ITPA: variants seen among roughly 807,000 people sequenced by gnomAD.
ITPA encodes inosine triphosphatase.
In ITPA, 29 loss-of-function variants were observed where a neutral mutation model predicts 29.6. The ratio of observed to expected loss-of-function variants is 0.98; its 90% CI spans 0.73 to 1.34. ITPA has a LOEUF of 1.34. ITPA is among the 40% of genes most tolerant of loss of function. ITPA has a pLI of 0.00. For synonymous variants in ITPA, 103 were observed against 99.3 expected (o/e 1.04, Z -0.22); for missense variants, 241 against 251.5 (o/e 0.96, Z 0.28).
At chr20:3,208,469 G>A (rs758997464), upstream of ITPA, among the ~76,000 whole-genome samples, 14 of 152,094 alleles carry the variant, frequency 9.2e-5, no homozygotes, top group Non-Finnish European at 1.6e-4. Context: ...CCCACCTCCC[G>A]AATTCAGGCG....
chr20:3,221,837 GC>G lies in ITPA; in HGVS notation c.412-3del. 1 of 1,614,010 alleles carries G rather than the reference GC, an allele frequency of 6.2e-7. No individual in the cohort carries two copies. Reference sequence around the variant, plus strand: ...ACACACCTGTCCCCCCTTTCCTGTGGCAGGGCCGGATCGTGGCACCCAGAGG... The same window carrying G: ...ACACACCTGTCCCCCCTTTCCTGTGGAGGGCCGGATCGTGGCACCCAGAGG... On this transcript the variant is annotated splice_polypyrimidine_tract_variant and splice_region_variant and intron_variant, in intron 6 of 7. Transcript: ENST00000380113.
downstream of ITPA, among the ~76,000 whole-genome samples, chr20:3,224,367 G>T (rs1167935245): frequency 1.3e-5 from 2 of 152,150 alleles, no homozygotes; most frequent in Non-Finnish European, 2.9e-5. Context: ...ACCTCTCCAG[G>T]TGGCTCCGTT....
At chr20:3,211,140 T>G (rs2067162821) in intron 1 of ITPA, among the ~76,000 whole-genome samples, 1 of 149,582 alleles carries the variant, frequency 6.7e-6, no homozygotes, top group Non-Finnish European at 1.5e-5. Context: ...AACATGGACT[T>G]GAACACTTGG....
chr20:3,205,447 G>T (rs940129910), upstream of ITPA, among the ~76,000 whole-genome samples: 1 of 152,112 alleles, frequency 6.6e-6, no homozygotes, highest in African/African-American at 2.4e-5. Flanking sequence ...ACAGAGGCTC[G>T]TCTGTTAACC....
intron 5 of ITPA, among the ~76,000 whole-genome samples, chr20:3,217,918 T>TG: frequency 8.0e-6 from 1 of 125,168 alleles, no homozygotes; most frequent in Non-Finnish European, 1.8e-5. Flanking sequence ...TTTTTTTTGT[T>TG]TTTGTTTTTT....
chr20:3,219,959 C>T (rs2067417634), intron 6 of ITPA, among the ~76,000 whole-genome samples: 1 of 149,702 alleles, frequency 6.7e-6, no homozygotes, highest in Admixed American at 6.7e-5. Context: ...GGAGGATCAC[C>T]TGAGCCTCGG....
rs183325660 is a variant in ITPA, at chr20:3,223,444, T to C, written c.567T>C (p.Phe189=). 7.3e-5 allele frequency: 117 copies of C among 1,612,850 alleles called. 1 individual carries two copies. The East Asian group carries it at 2.5e-3, about 35-fold the overall frequency. The change falls in exon 8 of 8, where the codon TTT becomes TTC. Residue 189 remains phenylalanine (F), a synonymous_variant. Coordinates refer to ENST00000380113, the MANE Select transcript of ITPA (RefSeq NM_033453.4). ...FRALLELQEY[F]GSLAA Reference sequence around the variant, plus strand: ...CCCTGCTGGAGCTGCAGGAGTACTTTGGCAGTTTGGCAGCTTGACTTCTGC... The same window carrying C: ...CCCTGCTGGAGCTGCAGGAGTACTTCGGCAGTTTGGCAGCTTGACTTCTGC...
chr20:3,215,416 C>A, intron 5 of ITPA, 104 bp downstream of exon 5: 1 of 1,031,102 alleles, frequency 9.7e-7, no homozygotes, highest in African/African-American at 1.6e-5. Flanking sequence ...AGGTTCTAGC[C>A]CCCACCATGG....
intron 5 of ITPA, 130 bp from the exon 6 acceptor site, chr20:3,218,387 C>T (rs902249231): frequency 1.2e-5 from 9 of 731,334 alleles, no homozygotes; most frequent in Non-Finnish European, 2.0e-5. Flanking sequence ...CTGCCGCCCC[C>T]GCTACCCCAA....
chr20:3,204,936 C>T (rs2067060470), upstream of ITPA, among the ~76,000 whole-genome samples: 1 of 151,996 alleles, frequency 6.6e-6, no homozygotes, highest in South Asian at 2.1e-4. Context: ...CTGCAACCTC[C>T]ACCTCCCAGG....
intron 5 of ITPA, among the ~76,000 whole-genome samples, chr20:3,218,056 T>C (rs574346203): frequency 6.6e-6 from 1 of 152,270 alleles, no homozygotes; most frequent in East Asian, 1.9e-4. Context: ...CAGCTGGAGC[T>C]ACAGGCATCA....
chr20:3,223,475 G>T lies in ITPA; in HGVS notation c.*13G>T. The T allele has an allele frequency of 6.2e-7, 1 of 1,602,286 alleles. No individual in the cohort carries two copies. Among genetic ancestry groups the T allele is most frequent in the East Asian group, 2.2e-5 (1 of 44,670 alleles). ...TTTGGCAGCTTGACTTCTGCAGCTGGAGGAGGCCCCTCAGGCCGGGGATCT... is the reference window on the plus strand; with the variant it reads ...TTTGGCAGCTTGACTTCTGCAGCTGTAGGAGGCCCCTCAGGCCGGGGATCT... On this transcript the variant is annotated 3_prime_UTR_variant, in exon 8 of 8. Transcript: ENST00000380113.
intron 3 of ITPA, 116 bp downstream of exon 3, chr20:3,213,499 C>G: frequency 8.0e-7 from 1 of 1,254,632 alleles, no homozygotes; most frequent in Non-Finnish European, 1.1e-6. Flanking sequence ...AGGACCGGCC[C>G]AGAGTCCTCT....
intron 6 of ITPA, chr20:3,218,875 G>A (rs1308982388): frequency 5.2e-6 from 3 of 572,830 alleles, no homozygotes; most frequent in Non-Finnish European, 9.5e-6. Flanking sequence ...GGTGCCCCTG[G>A]GCAGGACAAT....
At chr20:3,225,205 TAA>T (rs1024516762), downstream of ITPA, among the ~76,000 whole-genome samples, 2 of 151,826 alleles carry the variant, frequency 1.3e-5, no homozygotes, top group African/African-American at 4.8e-5. Context: ...CCTGTCTCAT[TAA>T]AAAAAACATG....
chr20:3,223,616 GCTGGCTCTGCT>G lies in ITPA; in HGVS notation c.*158_*168del. On this transcript the variant is annotated 3_prime_UTR_variant, in exon 8 of 8. Coordinates refer to ENST00000380113, the MANE Select transcript of ITPA (RefSeq NM_033453.4). The stretch of plus-strand genomic sequence containing the variant: ...CCTCACCGGCCTGTCTGGAGGAGCA[GCTGGCTCTGCT>G]CTGAGAAACTCTGGCAAGTGGACGC... 1 of 666,732 alleles carries G rather than the reference GCTGGCTCTGCT, an allele frequency of 1.5e-6. No individual in the cohort carries two copies. Among genetic ancestry groups the G allele is most frequent in the Non-Finnish European group, 2.7e-6 (1 of 369,368 alleles). The allele number at this position is 666,732 out of a possible 1,614,324, so 41.3% of individuals were successfully genotyped here.
At chr20:3,216,411 G>A (rs1267653140) in intron 5 of ITPA, among the ~76,000 whole-genome samples, 1 of 150,804 alleles carries the variant, frequency 6.6e-6, no homozygotes, top group African/African-American at 2.4e-5. Flanking sequence ...GCCTGCCTCG[G>A]CCTCCCAAAG....
intron 1 of ITPA, among the ~76,000 whole-genome samples, chr20:3,211,542 G>T (rs1356001140): frequency 6.6e-6 from 1 of 151,582 alleles, no homozygotes; most frequent in Non-Finnish European, 1.5e-5. Context: ...GCCCAGGCTG[G>T]AGTGCAGTGG....
chr20:3,213,385 T>G lies in ITPA; in HGVS notation c.189+2T>G. On this transcript the variant is annotated splice_donor_variant, in intron 3 of 7. Coordinates refer to ENST00000380113, the MANE Select transcript of ITPA (RefSeq NM_033453.4). LOFTEE classifies it high-confidence loss of function. Reference sequence around the variant, plus strand: ...AAATGTCAGGAGGCAGTTCGCCAGGTGCTTGCCCTGCCCTTGTCCCACACT... The same window carrying G: ...AAATGTCAGGAGGCAGTTCGCCAGGGGCTTGCCCTGCCCTTGTCCCACACT... 1 of 1,613,794 alleles carries G rather than the reference T, an allele frequency of 6.2e-7. No individual in the cohort carries two copies. The highest frequency in any genetic ancestry group is 8.5e-7 in the Non-Finnish European group (1 of 1,180,030).
Sources: allele counts gnomAD v4.1 joint callset (sites outside exome capture counted in the v4.1 genomes callset), GRCh38; gene constraint gnomAD v4.1.1; transcripts MANE v1.5; gene names NCBI Gene and HGNC (gene_info 2026-07-23, HGNC 2026-07-21).